The following CCDC180 variants were observed in gnomAD, a reference collection of about 807,000 sequenced individuals.
The protein encoded by CCDC180 is coiled-coil domain-containing protein 180.
Under a neutral mutation model 209.2 loss-of-function variants are expected in CCDC180, and 154 were observed. That is an observed-to-expected ratio of 0.74 (90% CI 0.65 to 0.84). The LOEUF (loss-of-function observed/expected upper bound fraction) is 0.84, where lower values mean the gene tolerates loss of function less well. Among genes scored for constraint, CCDC180 ranks in the 40% least tolerant of loss-of-function variants. The pLI is 0.00. For synonymous variants in CCDC180, 778 were observed against 749.1 expected (o/e 1.04, Z -0.63); for missense variants, 1,874 against 1,997.3 (o/e 0.94, Z 1.18).
chr9:97,330,048 A>G, intron 16 of CCDC180, 106 bp from the exon 17 acceptor site: 1 of 986,872 alleles, frequency 1.0e-6, no homozygotes, highest in Non-Finnish European at 1.5e-6. Flanking sequence ...AGCCTTGGCA[A>G]CAGAGCCAGA....
At position 97,318,503 on chromosome 9, in the gene CCDC180, G is replaced by A; in HGVS notation, c.1000G>A (p.Val334Met). ...TGAGAGTATCCATACTCCCCCGGCT[G>A]TGACGAAGGAGCTAGAGGTCATGCT... ...ASESIHTPPA[V>M]TKELEVMLKT... The change falls in exon 10 of 37, where the codon GTG becomes ATG. Residue 334 changes from valine (V) to methionine (M), a missense_variant. Physicochemically the swap from Val to Met is conservative, Grantham distance 21. Transcript: ENST00000529487. The A allele has an allele frequency of 6.2e-7, 1 of 1,613,822 alleles. No individual in the cohort carries two copies. Among genetic ancestry groups the A allele is most frequent in the Non-Finnish European group, 8.5e-7 (1 of 1,179,944 alleles).
intron 9 of CCDC180, 147 bp from the exon 10 acceptor site, chr9:97,318,316 G>A: frequency 1.1e-6 from 1 of 905,640 alleles, no homozygotes; most frequent in Non-Finnish European, 1.6e-6. Flanking sequence ...TAGAGAAGAG[G>A]CAAAGTCTGG....
intron 5 of CCDC180, among the ~76,000 whole-genome samples, 160 bp downstream of exon 5, chr9:97,313,505 G>T (rs913795162): frequency 2.6e-5 from 4 of 152,144 alleles, no homozygotes; most frequent in Admixed American, 2.0e-4. Flanking sequence ...TGAGTGGCTT[G>T]TTATGAGTGT....
At chr9:97,355,885 G>A (rs565236597) in intron 24 of CCDC180, among the ~76,000 whole-genome samples, 200 of 152,304 alleles carry the variant, frequency 1.3e-3, no homozygotes, top group Middle Eastern at 3.4e-3. Flanking sequence ...AATCCAGGGG[G>A]CTGGAGCCCA....
chr9:97,352,958 TATAC>T (rs901806744), intron 22 of CCDC180, among the ~76,000 whole-genome samples: 3 of 139,846 alleles, frequency 2.1e-5, no homozygotes, highest in African/African-American at 8.0e-5. Flanking sequence ...TATATATATA[TATAC>T]ACACACACAT....
chr9:97,371,702 T>G lies in CCDC180; in HGVS notation c.4596T>G (p.Val1532=). Residue 1532 remains valine (V), a synonymous_variant, in exon 34 of 37, where the codon GTT becomes GTG. Transcript: ENST00000529487. ...TGGTCACCATTGACGATGTCCAGGTTGCAAGTAAGAGGCACCACCAGCCTT... is the reference window on the plus strand; with the variant it reads ...TGGTCACCATTGACGATGTCCAGGTGGCAAGTAAGAGGCACCACCAGCCTT... ...DEVVTIDDVQ[V]ARMEPPKQKL... is the part of the protein sequence containing the mutation. 1.3e-6 allele frequency: 2 copies of G among 1,588,188 alleles called. No homozygotes were observed. The highest frequency in any genetic ancestry group is 8.6e-7 in the Non-Finnish European group (1 of 1,159,242).
At chr9:97,336,575 A>G (rs1484219566) in intron 18 of CCDC180, among the ~76,000 whole-genome samples, 2 of 152,172 alleles carry the variant, frequency 1.3e-5, no homozygotes, top group Non-Finnish European at 2.9e-5. Context: ...GCCTTGTAGT[A>G]TAGTTTGAAG....
rs1344918466 is a variant in CCDC180, at chr9:97,366,091, C to T, written c.4047+352C>T. ...GAGGTGGGGCAGTGGGACCAGGCAC[C>T]AGACAAGCTGCCCAGTGCCCTGTTC... On this transcript the variant is annotated intron_variant, in intron 30 of 36. Transcript: ENST00000529487. The surrounding 1 kb of genome is among the most constrained non-coding windows in gnomAD (Gnocchi z 4.3). Among the ~76,000 whole-genome samples the T allele has an allele frequency of 2.6e-5, 4 of 152,224 alleles. No individual in the cohort carries two copies. Among genetic ancestry groups the T allele is most frequent in the Non-Finnish European group, 5.9e-5 (4 of 68,032 alleles).
chr9:97,332,503 A>G (rs890196384), intron 18 of CCDC180, among the ~76,000 whole-genome samples: 1 of 152,202 alleles, frequency 6.6e-6, no homozygotes, highest in Non-Finnish European at 1.5e-5. Flanking sequence ...ATCCATGAAC[A>G]TGGGATGTTT....
At chr9:97,374,414 C>T in intron 34 of CCDC180, 129 bp from the exon 35 acceptor site, 1 of 679,144 alleles carries the variant, frequency 1.5e-6, no homozygotes, top group South Asian at 1.9e-5. Context: ...GGAGAGGGCT[C>T]AGCCTGCCAT....
rs1833403620 is a variant in CCDC180, at chr9:97,322,881, A to G, written c.1208A>G (p.Lys403Arg). 2 of 1,614,024 alleles carry G rather than the reference A, an allele frequency of 1.2e-6. No homozygotes were observed. The highest frequency in any genetic ancestry group is 1.1e-5 in the South Asian group (1 of 91,088). ...CMMRIRLLYE[K>R]TWQECLMHVQ... ...ATGCGGATCCGCCTGCTGTATGAGA[A>G]GACATGGCAGGAGTGCCTGATGCAT... The change falls in exon 12 of 37, where the codon AAG becomes AGG. Residue 403 changes from lysine (K) to arginine (R), a missense_variant. Coordinates refer to ENST00000529487, the MANE Select transcript of CCDC180 (RefSeq NM_020893.6).
At chr9:97,336,973 T>C (rs926996657) in intron 18 of CCDC180, among the ~76,000 whole-genome samples, 1 of 152,208 alleles carries the variant, frequency 6.6e-6, no homozygotes, top group Non-Finnish European at 1.5e-5. Context: ...TTGTCTGTTA[T>C]TGGTGTGTAA....
chr9:97,336,357 A>T (rs1046639722), intron 18 of CCDC180, among the ~76,000 whole-genome samples: 6 of 152,178 alleles, frequency 3.9e-5, no homozygotes, highest in African/African-American at 1.4e-4. Flanking sequence ...TAAGGAAGGG[A>T]TCCAGTTTCA....
chr9:97,369,414 T>TTTATTTTATGTTATG (rs1208851523), intron 31 of CCDC180: 1 of 134,840 alleles, frequency 7.4e-6, no homozygotes. Flanking sequence ...TATTTAAGCC[T>TTTATTTTATGTTATG]TTATTTTATG....
At chr9:97,341,290 T>C (rs947976600) in intron 18 of CCDC180, among the ~76,000 whole-genome samples, 3 of 152,194 alleles carry the variant, frequency 2.0e-5, no homozygotes, top group Admixed American at 2.0e-4. Context: ...TTTTCTTTTA[T>C]CTCTTTGTCT....
At chr9:97,327,256 C>G (rs1833564439) in intron 15 of CCDC180, among the ~76,000 whole-genome samples, 1 of 152,090 alleles carries the variant, frequency 6.6e-6, no homozygotes. Context: ...ATTTTTTTCC[C>G]TCATTCCTGC....
chr9:97,367,021 C>T (rs1260251481), intron 31 of CCDC180, among the ~76,000 whole-genome samples: 1 of 152,186 alleles, frequency 6.6e-6, no homozygotes, highest in Non-Finnish European at 1.5e-5. Flanking sequence ...GTAGTGTACT[C>T]AATGTGGTTT....
chr9:97,342,794 C>T (rs1272746043), intron 18 of CCDC180, among the ~76,000 whole-genome samples: 2 of 152,206 alleles, frequency 1.3e-5, no homozygotes, highest in African/African-American at 2.4e-5. Flanking sequence ...GCTCCATATT[C>T]AAGCTGGCAG....
chr9:97,334,640 C>G (rs1362339389), intron 18 of CCDC180, among the ~76,000 whole-genome samples: 1 of 152,104 alleles, frequency 6.6e-6, no homozygotes, highest in Non-Finnish European at 1.5e-5. Context: ...TTTTTGCTAA[C>G]GTTTCCTGTT....
Sources: gnomAD v4.1 joint callset for allele counts (sites outside exome capture counted in the v4.1 genomes callset) on GRCh38, gnomAD v4.1.1 for gene constraint, Gnocchi (gnomAD v3.1) non-coding constraint, MANE v1.5 for transcripts, NCBI Gene and HGNC (gene_info 2026-07-23, HGNC 2026-07-21) for gene names.